The following TMEM132D variants were observed in gnomAD, a reference collection of about 807,000 sequenced individuals.
The protein encoded by TMEM132D is transmembrane protein 132D, also known as mature OL transmembrane protein.
Under a neutral mutation model 62.3 loss-of-function variants are expected in TMEM132D, and 21 were observed. The observed-to-expected ratio is 0.34, with a 90% confidence interval of 0.24 to 0.49. TMEM132D has a LOEUF of 0.49. TMEM132D is among the 20% of genes least tolerant of loss of function. The probability of loss-of-function intolerance (pLI) is 0.99; values close to 1 mark genes in which losing one functional copy is unlikely to be tolerated. For synonymous variants in TMEM132D, 621 were observed against 575.6 expected, an observed-to-expected ratio of 1.08 and a Z score of -1.13; for missense variants, 1,346 against 1,402.8, an observed-to-expected ratio of 0.96 and a Z score of 0.65.
intron 1 of TMEM132D, among the ~76,000 whole-genome samples, chr12:129,817,844 G>C (rs1872402241): frequency 6.7e-6 from 1 of 150,332 alleles, no homozygotes; most frequent in South Asian, 2.1e-4. Context: ...GGTTTGGGGT[G>C]TGTGTGTATG....
Position 129,235,838 on chromosome 12 carries a change from G to A in TMEM132D, c.1300-26175C>T, listed in dbSNP as rs540503163. On this transcript the variant is annotated intron_variant, in intron 4 of 8. Transcript: ENST00000422113. ...ATTGTTTGGCTATTTGGGGTCTTTT[G>A]TGATCTTATATAAATCTTAGAATTA... Among the ~76,000 whole-genome samples the A allele has an allele frequency of 3.3e-5, 5 of 151,976 alleles. No homozygotes were observed. In the South Asian group the frequency reaches 1.0e-3, roughly 32 times the overall value.
At chr12:129,615,732 A>T (rs900295711) in intron 2 of TMEM132D, among the ~76,000 whole-genome samples, 6 of 151,246 alleles carry the variant, frequency 4.0e-5, no homozygotes, top group African/African-American at 1.5e-4. Flanking sequence ...TGATCATGCC[A>T]CAGCCTGGAT....
At chr12:129,772,808 G>C (rs1870797839) in intron 1 of TMEM132D, among the ~76,000 whole-genome samples, 1 of 152,248 alleles carries the variant, frequency 6.6e-6, no homozygotes, top group African/African-American at 2.4e-5. Context: ...ATTGAGCCCA[G>C]GTCCTGGGGA....
In TMEM132D at chr12:129,357,452, C is replaced by T. The variant is rs564602273; in HGVS notation, c.1116-19635G>A. The stretch of plus-strand genomic sequence containing the variant: ...CGGAAGGAAAGAAAAAAAGAAAAAG[C>T]GAGCGAGCAAGCAGTAGAAAAAGGA... On this transcript the variant is annotated intron_variant, in intron 3 of 8. Transcript: ENST00000422113. Among the ~76,000 whole-genome samples the T allele has an allele frequency of 8.8e-5, 11 of 125,446 alleles. No homozygotes were observed. In the East Asian group the frequency reaches 9.2e-4, roughly 11 times the overall value. The allele number at this position is 125,446 out of a possible 152,430, so 82.3% of individuals were successfully genotyped here. A position where few individuals can be genotyped will look rare whatever the true frequency, so the allele number is the denominator to read the frequency against.
At chr12:129,145,841 G>A (rs968438459) in intron 5 of TMEM132D, among the ~76,000 whole-genome samples, 2 of 152,082 alleles carry the variant, frequency 1.3e-5, no homozygotes, top group Non-Finnish European at 2.9e-5. Context: ...GTCCAAGAGA[G>A]AGAATACAGT....
At chr12:129,604,293 C>T (rs563221287) in intron 2 of TMEM132D, among the ~76,000 whole-genome samples, 1 of 152,132 alleles carries the variant, frequency 6.6e-6, no homozygotes, top group East Asian at 1.9e-4. Context: ...GTGTTACAAA[C>T]CTGCACGTTC....
intron 1 of TMEM132D, among the ~76,000 whole-genome samples, chr12:129,895,489 T>C (rs1306580267): frequency 6.6e-6 from 1 of 152,230 alleles, no homozygotes. Context: ...ACACAGACTA[T>C]GGTTTGTGCC....
At chr12:129,697,925 A>AC (rs557399684) in intron 2 of TMEM132D, among the ~76,000 whole-genome samples, 3,154 of 152,056 alleles carry the variant, frequency 0.021, 50 homozygotes, top group South Asian at 0.059. Flanking sequence ...ACACACACAC[A>AC]AGCTGCATGT....
At chr12:129,730,920 G>A (rs1869213067) in intron 1 of TMEM132D, among the ~76,000 whole-genome samples, 1 of 152,062 alleles carries the variant, frequency 6.6e-6, no homozygotes, top group African/African-American at 2.4e-5. Flanking sequence ...TTGAGGTTTT[G>A]GGACTCGGAC....
intron 4 of TMEM132D, among the ~76,000 whole-genome samples, chr12:129,242,700 G>A (rs1434332302): frequency 6.6e-6 from 1 of 151,578 alleles, no homozygotes; most frequent in Non-Finnish European, 1.5e-5. Context: ...GTTTTTCTTT[G>A]GATGAAATTT....
intron 2 of TMEM132D, among the ~76,000 whole-genome samples, chr12:129,658,331 A>G (rs1880148766): frequency 6.6e-6 from 1 of 152,224 alleles, no homozygotes; most frequent in Admixed American, 6.5e-5. Flanking sequence ...CATTTCTCCT[A>G]CAAAGCTTCA....
intron 3 of TMEM132D, among the ~76,000 whole-genome samples, chr12:129,461,944 T>C (rs573987843): frequency 6.6e-6 from 1 of 152,318 alleles, no homozygotes; most frequent in South Asian, 2.1e-4. Context: ...GTTATCTCCT[T>C]TGATGATTGA....
intron 4 of TMEM132D, among the ~76,000 whole-genome samples, chr12:129,244,468 T>C (rs1880036758): frequency 6.8e-6 from 1 of 147,126 alleles, no homozygotes; most frequent in Non-Finnish European, 1.5e-5. Context: ...TTCTTGCTCC[T>C]ACGGTGCATA....
chr12:129,116,365 T>G (rs934790090), intron 5 of TMEM132D, among the ~76,000 whole-genome samples: 1 of 152,108 alleles, frequency 6.6e-6, no homozygotes, highest in African/African-American at 2.4e-5. Context: ...AAAGGCACAT[T>G]AACACTGCAA....
At position 129,605,604 on chromosome 12, in the gene TMEM132D, T is replaced by TATATATATATACAC. The variant is rs150550863; in HGVS notation, c.969-74400_969-74399insGTGTATATATATAT. On this transcript the variant is annotated intron_variant, in intron 2 of 8. Transcript: ENST00000422113. ...ATTAGGCATTATATATATATATATA[T>TATATATATATACAC]ACACACACATATATATATACACACA... Among the ~76,000 whole-genome samples, 105 of 106,222 alleles carry TATATATATATACAC rather than the reference T, an allele frequency of 9.9e-4. 2 individuals carry two copies. The highest frequency in any genetic ancestry group is 3.8e-3 in the African/African-American group (98 of 25,686). 69.7% of individuals were successfully genotyped at this position (106,222 alleles called of 152,430 possible).
At chr12:129,339,225 C>A (rs554460412) in intron 3 of TMEM132D, among the ~76,000 whole-genome samples, 14 of 149,864 alleles carry the variant, frequency 9.3e-5, no homozygotes, top group African/African-American at 2.7e-4. Context: ...TGGGATCACA[C>A]CAGTGCATTC....
intron 1 of TMEM132D, among the ~76,000 whole-genome samples, chr12:129,820,244 A>G (rs1872507691): frequency 6.6e-6 from 1 of 152,132 alleles, no homozygotes; most frequent in Admixed American, 6.5e-5. Flanking sequence ...TGTTGCAAAG[A>G]TGGTGCTCTT....
intron 2 of TMEM132D, among the ~76,000 whole-genome samples, chr12:129,597,050 C>T (rs1215393466): frequency 1.3e-5 from 2 of 152,198 alleles, no homozygotes; most frequent in Non-Finnish European, 2.9e-5. Flanking sequence ...CCTGACTACA[C>T]ATTTTTATTT....
chr12:129,841,433 T>C (rs1157339658), intron 1 of TMEM132D, among the ~76,000 whole-genome samples: 1 of 152,228 alleles, frequency 6.6e-6, no homozygotes, highest in African/African-American at 2.4e-5. Context: ...GAAATCCCAG[T>C]TTAATCAACC....
Sources: gnomAD v4.1 joint callset for allele counts (sites outside exome capture counted in the v4.1 genomes callset) on GRCh38, gnomAD v4.1.1 for gene constraint, MANE v1.5 for transcripts, NCBI Gene and HGNC (gene_info 2026-07-23, HGNC 2026-07-21) for gene names.